Variants in PRKG1 observed in about 807,000 individuals in gnomAD.
PRKG1 encodes protein kinase cGMP-dependent 1, also known as cGMP-dependent protein kinase 1.
PRKG1 carries 35 observed loss-of-function variants against 88.1 expected under a neutral mutation model. That is an observed-to-expected ratio of 0.40 (90% CI 0.30 to 0.53). PRKG1 has a LOEUF of 0.53. Ranked by LOEUF, PRKG1 falls within the 20% of genes least tolerant of loss-of-function variation. The pLI is 0.59. For synonymous variants in PRKG1, 303 were observed against 292.5 expected (o/e 1.04, Z -0.37); for missense variants, 540 against 839.8 (o/e 0.64, Z 4.41).
chr10:51,563,559 A>G (rs1837525413), intron 3 of PRKG1, among the ~76,000 whole-genome samples: 2 of 152,134 alleles, frequency 1.3e-5, no homozygotes, highest in Admixed American at 6.6e-5. Context: ...AAACACAGTA[A>G]TATTAAGTAA....
intron 3 of PRKG1, among the ~76,000 whole-genome samples, chr10:51,680,287 T>TAAA (rs142604843): frequency 6.6e-4 from 96 of 144,940 alleles, no homozygotes; most frequent in Middle Eastern, 3.6e-3. Flanking sequence ...TAAAGTATAA[T>TAAA]AAAAAAAAAA....
chr10:51,858,101 A>C (rs1396529133), intron 4 of PRKG1, among the ~76,000 whole-genome samples: 1 of 74,928 alleles, frequency 1.3e-5, no homozygotes, highest in African/African-American at 6.5e-5. Context: ...ATATATATAC[A>C]TATTATACAT....
intron 1 of PRKG1, among the ~76,000 whole-genome samples, chr10:51,125,377 A>G (rs1373925849): frequency 1.3e-5 from 2 of 150,762 alleles, no homozygotes; most frequent in Non-Finnish European, 3.0e-5. Context: ...ATTATAAAGT[A>G]TAAATTATAT....
At chr10:51,823,158 A>C (rs1839792622) in intron 4 of PRKG1, among the ~76,000 whole-genome samples, 1 of 152,132 alleles carries the variant, frequency 6.6e-6, no homozygotes, top group South Asian at 2.1e-4. Flanking sequence ...ACACATATAA[A>C]CAACTGTTAG....
At chr10:51,636,567 G>A (rs1839660849) in intron 3 of PRKG1, among the ~76,000 whole-genome samples, 1 of 152,102 alleles carries the variant, frequency 6.6e-6, no homozygotes, top group Admixed American at 6.5e-5. Flanking sequence ...TAATTAACTA[G>A]TGGTTCTAGG....
chr10:51,031,575 T>C (rs1471623186), intron 1 of PRKG1, among the ~76,000 whole-genome samples: 1 of 152,200 alleles, frequency 6.6e-6, no homozygotes, highest in African/African-American at 2.4e-5. Flanking sequence ...GTGGCCAGTG[T>C]GCATCAAGCA....
intron 9 of PRKG1, among the ~76,000 whole-genome samples, chr10:52,238,612 C>T (rs201878824): frequency 6.8e-6 from 1 of 146,538 alleles, no homozygotes; most frequent in Non-Finnish European, 1.5e-5. Flanking sequence ...AAATCAAAAC[C>T]ACTATGAAAT....
chr10:52,217,326 A>G (rs978660098), intron 9 of PRKG1, among the ~76,000 whole-genome samples: 49 of 135,884 alleles, frequency 3.6e-4, no homozygotes, highest in Non-Finnish European at 2.5e-4. Flanking sequence ...ATACACACAC[A>G]CGTACACATT....
intron 2 of PRKG1, among the ~76,000 whole-genome samples, chr10:51,463,723 A>T (rs688548): frequency 0.41 from 62,208 of 152,078 alleles, 13,647 homozygotes; most frequent in African/African-American, 0.57. Context: ...GACGGGTGAG[A>T]GGCCTAGTAA....
At chr10:51,174,947 T>C (rs1177310563) in intron 2 of PRKG1, among the ~76,000 whole-genome samples, 4 of 152,022 alleles carry the variant, frequency 2.6e-5, no homozygotes, top group Admixed American at 1.3e-4. Flanking sequence ...TAACATGCTC[T>C]GTTATACACG....
intron 3 of PRKG1, among the ~76,000 whole-genome samples, chr10:51,503,338 G>A (rs753094696): frequency 5.9e-5 from 9 of 152,012 alleles, no homozygotes; most frequent in Non-Finnish European, 1.2e-4. Flanking sequence ...CTCCCCTGTA[G>A]CCCACATATC....
chr10:51,784,581 T>A (rs1838681468), intron 3 of PRKG1, among the ~76,000 whole-genome samples: 1 of 152,168 alleles, frequency 6.6e-6, no homozygotes, highest in Non-Finnish European at 1.5e-5. Flanking sequence ...GTTTTATATT[T>A]GGTGTAAATC....
intron 9 of PRKG1, among the ~76,000 whole-genome samples, chr10:52,208,452 G>A (rs1167804808): frequency 6.6e-6 from 1 of 152,112 alleles, no homozygotes; most frequent in Non-Finnish European, 1.5e-5. Context: ...TCACATCACA[G>A]AAGTATTATG....
chr10:51,794,855 T>C (rs1838969351), intron 3 of PRKG1, among the ~76,000 whole-genome samples: 1 of 152,110 alleles, frequency 6.6e-6, no homozygotes, highest in African/African-American at 2.4e-5. Context: ...AAACTAACTC[T>C]TTTAATTATT....
intron 17 of PRKG1, among the ~76,000 whole-genome samples, chr10:52,292,199 C>T (rs1219277991): frequency 6.6e-6 from 1 of 150,490 alleles, no homozygotes. Flanking sequence ...AAATTTTCTC[C>T]CATTTTGTAG....
In PRKG1 at chr10:51,157,877, T is replaced by C. The variant is rs74131777; in HGVS notation, c.478+4547T>C. ...TAATTTAAATTAACTTGTTTTGTTT[T>C]ATTCATTTAATTGATATACAATAGT... On this transcript the variant is annotated intron_variant, in intron 2 of 17. Coordinates refer to ENST00000373980, the MANE Select transcript of PRKG1 (RefSeq NM_006258.4). Among the ~76,000 whole-genome samples the C allele has an allele frequency of 9.4e-3, 1,426 of 152,072 alleles. 33 individuals carry two copies. Among genetic ancestry groups the C allele is most frequent in the African/African-American group, 0.032 (1,345 of 41,532 alleles).
At chr10:51,873,776 G>T (rs755910971) in intron 4 of PRKG1, among the ~76,000 whole-genome samples, 1 of 152,008 alleles carries the variant, frequency 6.6e-6, no homozygotes, top group Non-Finnish European at 1.5e-5. Context: ...TGATCCACTC[G>T]CCTCGGCCTC....
rs574690382 is a variant in PRKG1 at position 52,117,055 on chromosome 10, A to G, written c.936-16785A>G. Among the ~76,000 whole-genome samples, 7 of 152,126 alleles carry G rather than the reference A, an allele frequency of 4.6e-5. No individual in the cohort carries two copies. The East Asian group carries it at 1.4e-3, about 29-fold the overall frequency. ...GTGATTAAATTCTGAATCATTATGAAGAGAAAATCTGTTTCCCAATTGCTA... is the reference window on the plus strand; with the variant it reads ...GTGATTAAATTCTGAATCATTATGAGGAGAAAATCTGTTTCCCAATTGCTA... On this transcript the variant is annotated intron_variant, in intron 7 of 17. Coordinates refer to ENST00000373980, the MANE Select transcript of PRKG1 (RefSeq NM_006258.4).
chr10:52,143,158 C>G (rs139464319), intron 8 of PRKG1, among the ~76,000 whole-genome samples: 98 of 152,264 alleles, frequency 6.4e-4, no homozygotes, highest in African/African-American at 2.2e-3. Context: ...GGAGTATTCA[C>G]TAACACTACT....
Sources: allele counts gnomAD v4.1 joint callset (sites outside exome capture counted in the v4.1 genomes callset), GRCh38; gene constraint gnomAD v4.1.1; transcripts MANE v1.5; gene names NCBI Gene and HGNC (gene_info 2026-07-23, HGNC 2026-07-21).